Variants in FRYL observed in about 807,000 individuals in gnomAD.
The protein encoded by FRYL is protein furry homolog-like.
A neutral mutation model predicts 351.2 loss-of-function variants in FRYL; 150 were observed. That is an observed-to-expected ratio of 0.43 (90% CI 0.37 to 0.49). The LOEUF is 0.49. Among genes scored for constraint, FRYL ranks in the 20% least tolerant of loss-of-function variants. FRYL has a pLI of 0.00. For missense variants in FRYL, 3,036 were observed against 3,619.3 expected (o/e 0.84, Z 4.13); for synonymous variants, 1,153 against 1,257.1 (o/e 0.92, Z 1.75).
At chr4:48,559,331 T>C (rs1180759993) in intron 33 of FRYL, among the ~76,000 whole-genome samples, 5 of 150,876 alleles carry the variant, frequency 3.3e-5, no homozygotes, top group African/African-American at 4.9e-5. Flanking sequence ...ACGGTGTGGT[T>C]TGACTTCCTG....
At chr4:48,576,264 A>C in intron 23 of FRYL, 42 bp from the exon 24 acceptor site, 1 of 1,409,110 alleles carries the variant, frequency 7.1e-7, no homozygotes, top group Non-Finnish European at 9.5e-7. Context: ...TGAATAACAC[A>C]ACACGTTTTT....
intron 1 of FRYL, among the ~76,000 whole-genome samples, chr4:48,747,387 G>C (rs1772805524): frequency 6.6e-6 from 1 of 152,138 alleles, no homozygotes; most frequent in Non-Finnish European, 1.5e-5. Context: ...AACTGGTACT[G>C]GTGTAAACAG....
chr4:48,501,539 TTAAGC>T (rs1428552468), intron 62 of FRYL, 79 bp downstream of exon 62: 1 of 782,734 alleles, frequency 1.3e-6, no homozygotes, highest in Non-Finnish European at 2.2e-6. Flanking sequence ...GACTTTTGAC[TTAAGC>T]TATTTTAACA....
chr4:48,557,040 T>G lies in FRYL; in HGVS notation c.4204A>C (p.Ile1402Leu), dbSNP rs1307133173. ...LADGWPKNLK[I>L]ILHFLISICG... Reference sequence around the variant, plus strand: ...ATGCTGATCAAAAAGTGCAAAATTATTTTCAGGTTTTTGGGCCAGCCATCT... The same window carrying G: ...ATGCTGATCAAAAAGTGCAAAATTAGTTTCAGGTTTTTGGGCCAGCCATCT... The change falls in exon 35 of 64, where the codon ATA becomes CTA. Residue 1402 changes from isoleucine to leucine, a missense_variant. Coordinates refer to ENST00000358350, the MANE Select transcript of FRYL (RefSeq NM_015030.2). 1 of 1,608,816 alleles carries G rather than the reference T, an allele frequency of 6.2e-7. No individual in the cohort carries two copies. Among genetic ancestry groups the G allele is most frequent in the Non-Finnish European group, 8.5e-7 (1 of 1,177,436 alleles).
intron 3 of FRYL, among the ~76,000 whole-genome samples, chr4:48,656,242 ATT>A (rs1247242375): frequency 8.3e-5 from 11 of 132,934 alleles, no homozygotes; most frequent in African/African-American, 1.9e-4. Context: ...TTGAATATAT[ATT>A]ATGAATATAT....
chr4:48,750,532 T>C (rs1178799351), intron 1 of FRYL, among the ~76,000 whole-genome samples: 1 of 152,084 alleles, frequency 6.6e-6, no homozygotes, highest in Non-Finnish European at 1.5e-5. Flanking sequence ...TCTATTGCAG[T>C]ACCCCAGGCA....
chr4:48,584,687 G>C (rs185192126), intron 19 of FRYL, among the ~76,000 whole-genome samples: 30 of 152,332 alleles, frequency 2.0e-4, no homozygotes, highest in Non-Finnish European at 4.1e-4. Context: ...ACATGTGTGA[G>C]TTAACTGCTC....
At chr4:48,548,599 CAGAA>C in intron 40 of FRYL, 87 bp downstream of exon 40, 1 of 720,756 alleles carries the variant, frequency 1.4e-6, no homozygotes, top group Non-Finnish European at 2.4e-6. Context: ...TAACAGGAAA[CAGAA>C]ACACATAAAA....
In FRYL at chr4:48,750,200, CGTAT is replaced by C. The variant is rs926075610; in HGVS notation, c.-384+29874_-384+29877del. 2.7e-5 allele frequency among the ~76,000 whole-genome samples: 4 copies of C among 150,338 alleles called. No homozygotes were observed. In the East Asian group the frequency reaches 7.8e-4, roughly 29 times the overall value. On this transcript the variant is annotated intron_variant, in intron 1 of 63. Transcript: ENST00000358350. ...AAGAGGCTGGGCTTAGTGGCTCACGCGTATAATACTAGCACTCTGGGAGGCCGAG... is the reference window on the plus strand; with the variant it reads ...AAGAGGCTGGGCTTAGTGGCTCACGCAATACTAGCACTCTGGGAGGCCGAG...
chr4:48,516,962 G>C (rs1236193960), intron 55 of FRYL, among the ~76,000 whole-genome samples: 1 of 152,112 alleles, frequency 6.6e-6, no homozygotes, highest in Non-Finnish European at 1.5e-5. Flanking sequence ...GTGATTAGAA[G>C]ATATCAAAGG....
chr4:48,581,051 T>TC, intron 21 of FRYL, 100 bp from the exon 22 acceptor site: 1 of 690,820 alleles, frequency 1.4e-6, no homozygotes, highest in East Asian at 2.9e-5. Flanking sequence ...ACTATTTTTT[T>TC]TTTTTTTTTT....
At chr4:48,735,972 A>T (rs1289300088) in intron 1 of FRYL, among the ~76,000 whole-genome samples, 1 of 2,762 alleles carries the variant, frequency 3.6e-4, no homozygotes, top group African/African-American at 1.2e-3. Flanking sequence ...AGAGTATAAT[A>T]AAAAAAAAAA....
chr4:48,631,210 T>A (rs555870896), intron 4 of FRYL, among the ~76,000 whole-genome samples: 3 of 152,294 alleles, frequency 2.0e-5, no homozygotes, highest in Non-Finnish European at 4.4e-5. Flanking sequence ...GGGGTTTTCC[T>A]GGTGTGTCAG....
At position 48,563,947 on chromosome 4, in the gene FRYL, C is replaced by T; in HGVS notation, c.3596+1G>A. ...AAACAAAAAACCTGTATCTAAAGTA[C>T]CTGTTCTGGAAAACATTAGCAATGG... On this transcript the variant is annotated splice_donor_variant, in intron 31 of 63. Coordinates refer to ENST00000358350, the MANE Select transcript of FRYL (RefSeq NM_015030.2). LOFTEE classifies it high-confidence loss of function. 1 of 1,609,724 alleles carries T rather than the reference C, an allele frequency of 6.2e-7. No individual in the cohort carries two copies. The highest frequency in any genetic ancestry group is 8.5e-7 in the Non-Finnish European group (1 of 1,178,938).
chr4:48,602,179 T>C (rs1745851078), intron 12 of FRYL, 58 bp from the exon 13 acceptor site: 3 of 832,516 alleles, frequency 3.6e-6, no homozygotes, highest in African/African-American at 1.7e-5. Context: ...CACTGGACTT[T>C]TAAATTTTAT....
intron 5 of FRYL, 56 bp from the exon 6 acceptor site, chr4:48,620,834 C>G: frequency 6.9e-7 from 1 of 1,447,868 alleles, no homozygotes; most frequent in Non-Finnish European, 9.6e-7. Context: ...GTACCACACT[C>G]TTAAGTTCTA....
At chr4:48,724,260 T>C (rs1769828865) in intron 1 of FRYL, among the ~76,000 whole-genome samples, 1 of 152,218 alleles carries the variant, frequency 6.6e-6, no homozygotes, top group Non-Finnish European at 1.5e-5. Context: ...CAAACATCTC[T>C]GACTTTTCCT....
rs769683003 is a variant in FRYL, at chr4:48,589,860, G to A, written c.1525C>T (p.Pro509Ser). Residue 509 changes from proline (P) to serine (S), a missense_variant, in exon 18 of 64, where the codon CCT (proline) becomes TCT (serine). Pro to Ser is a moderately conservative substitution (Grantham distance 74). Transcript: ENST00000358350. ...CTATCTAATGCTTTTCTTACTTGAG[G>A]ATAGTAAACTGACATTCCTAGGGGA... The part of the protein sequence containing the change: ...AKVIGMSVYY[P>S]QVRKALDSIL... The A allele has an allele frequency of 1.2e-6, 2 of 1,612,492 alleles. No homozygotes were observed. Among genetic ancestry groups the A allele is most frequent in the East Asian group, 4.5e-5 (2 of 44,854 alleles).
intron 55 of FRYL, among the ~76,000 whole-genome samples, chr4:48,519,506 T>TA (rs1724414702): frequency 8.4e-5 from 11 of 130,920 alleles, no homozygotes; most frequent in East Asian, 2.4e-4. Flanking sequence ...TTTTTTTTTT[T>TA]TAATTTTTTA....
Sources: gnomAD v4.1 joint callset for allele counts (sites outside exome capture counted in the v4.1 genomes callset) on GRCh38, gnomAD v4.1.1 for gene constraint, MANE v1.5 for transcripts, NCBI Gene and HGNC (gene_info 2026-07-23, HGNC 2026-07-21) for gene names.